Variants in CAGE1 observed in about 807,000 individuals in gnomAD.
CAGE1 encodes the protein cancer antigen 1.
CAGE1 carries 66 observed loss-of-function variants against 94.9 expected under a neutral mutation model. The observed-to-expected ratio is 0.70, with a 90% CI of 0.57 to 0.85. The LOEUF (loss-of-function observed/expected upper bound fraction) is 0.85. Ranked by LOEUF, CAGE1 falls within the 40% of genes least tolerant of loss-of-function variation. The pLI, the probability that CAGE1 is intolerant of heterozygous loss-of-function variation, is 0.00. For missense variants in CAGE1, 865 were observed against 950.4 expected, an observed-to-expected ratio of 0.91 and a Z score of 1.18; for synonymous variants, 319 against 321.0, an observed-to-expected ratio of 0.99 and a Z score of 0.07.
intron 2 of CAGE1, among the ~76,000 whole-genome samples, chr6:7,386,445 CATT>C (rs1242166302): frequency 3.3e-5 from 5 of 152,252 alleles, no homozygotes; most frequent in African/African-American, 1.2e-4. Context: ...CTGTCAATGT[CATT>C]ATGAATGACA....
intron 6 of CAGE1, among the ~76,000 whole-genome samples, chr6:7,369,223 G>T: frequency 6.6e-6 from 1 of 151,830 alleles, no homozygotes; most frequent in East Asian, 1.9e-4. Context: ...GGCCAGGCTG[G>T]TCTCGAACTC....
chr6:7,348,266 C>T (rs1759640530), intron 11 of CAGE1, among the ~76,000 whole-genome samples: 1 of 152,190 alleles, frequency 6.6e-6, no homozygotes, highest in African/African-American at 2.4e-5. Flanking sequence ...CAGACAACCC[C>T]CAGTACCAGC....
At position 7,362,620 on chromosome 6, in the gene CAGE1, G is replaced by A. The variant is rs1760200394; in HGVS notation, c.2193+2848C>T. Among the ~76,000 whole-genome samples the A allele has an allele frequency of 2.6e-5, 4 of 152,310 alleles. No homozygotes were observed. The highest frequency in any genetic ancestry group is 2.1e-4 in the South Asian group (1 of 4,828). ...GAAGGACATGAGAGAAGCACGCGAC[G>A]ATGTGCCAAGGGAAGCATGAGCATC... On this transcript the variant is annotated intron_variant, in intron 9 of 13. Coordinates refer to ENST00000502583, the MANE Select transcript of CAGE1 (RefSeq NM_001170692.2). The surrounding 1 kb of genome is among the most constrained non-coding windows in gnomAD (Gnocchi z 4.1).
At chr6:7,341,431 AATCTC>A in intron 11 of CAGE1, 1 of 969,156 alleles carries the variant, frequency 1.0e-6, no homozygotes, top group Non-Finnish European at 1.6e-6. Flanking sequence ...ATAGCATGTA[AATCTC>A]ATCTATGATC....
At chr6:7,338,787 T>G in intron 11 of CAGE1, 1 of 777,860 alleles carries the variant, frequency 1.3e-6, no homozygotes, top group East Asian at 2.6e-5. Flanking sequence ...TTTATAAAGG[T>G]CTTTACAGAG....
intron 7 of CAGE1, 51 bp from the exon 8 acceptor site, chr6:7,365,935 C>A: frequency 9.4e-7 from 1 of 1,066,722 alleles, no homozygotes; most frequent in South Asian, 1.5e-5. Context: ...CAACTACGCT[C>A]TAATATTTAT....
chr6:7,361,642 G>A (rs1407008601), intron 9 of CAGE1, among the ~76,000 whole-genome samples: 1 of 152,168 alleles, frequency 6.6e-6, no homozygotes, highest in Non-Finnish European at 1.5e-5. Flanking sequence ...ACAGATTGGT[G>A]TGATATCCTT....
intron 11 of CAGE1, among the ~76,000 whole-genome samples, chr6:7,351,530 A>AAAAATACAAT: frequency 7.1e-6 from 1 of 139,862 alleles, no homozygotes; most frequent in South Asian, 2.2e-4. Context: ...AAAGTATAAT[A>AAAAATACAAT]AAAATAAAAT....
Position 7,389,400 on chromosome 6 carries a change from C to G in CAGE1, c.-222G>C, listed in dbSNP as rs1400753256. On this transcript the variant is annotated 5_prime_UTR_variant, in exon 1 of 14. Transcript: ENST00000502583. ...CTCCTCCACCAAGGACTCTCACAAA[C>G]TCGCAATCGGGCTCCCGGAGTGCTG... 2.2e-6 allele frequency: 1 copy of G among 449,680 alleles called. No individual in the cohort carries two copies. The highest frequency in any genetic ancestry group is 4.5e-6 in the Non-Finnish European group (1 of 223,412). The allele number at this position is 449,680 out of a possible 1,614,324, so 27.9% of individuals were successfully genotyped here.
intron 2 of CAGE1, 24 bp from the exon 3 acceptor site, chr6:7,385,896 A>G: frequency 1.6e-6 from 2 of 1,269,220 alleles, no homozygotes; most frequent in Non-Finnish European, 2.2e-6. Flanking sequence ...AAAGGCATCA[A>G]TACTTCAAGC....
At chr6:7,327,828 G>A (rs1017605641) in intron 13 of CAGE1, among the ~76,000 whole-genome samples, 25 of 152,136 alleles carry the variant, frequency 1.6e-4, no homozygotes, top group Non-Finnish European at 3.2e-4. Flanking sequence ...TACTCGGGAG[G>A]CTGAGGCAGG....
In CAGE1 at chr6:7,355,974, G is replaced by A. The variant is rs544894864; in HGVS notation, c.2298+51C>T. The stretch of plus-strand genomic sequence containing the variant: ...AGCACTGCACTGTACTTCGGCCTGG[G>A]TGACAGAGTGAGATCTTGTCTCAAA... On this transcript the variant is annotated intron_variant, in intron 10 of 13. Coordinates refer to ENST00000502583, the MANE Select transcript of CAGE1 (RefSeq NM_001170692.2). 38 of 1,065,028 alleles carry A rather than the reference G, an allele frequency of 3.6e-5. No homozygotes were observed. The African/African-American group carries it at 5.3e-4, about 15-fold the overall frequency. The allele number at this position is 1,065,028 out of a possible 1,614,324, so 66.0% of individuals were successfully genotyped here.
At position 7,345,852 on chromosome 6, in the gene CAGE1, G is replaced by A. The variant is rs573199091; in HGVS notation, c.2369+9189C>T. Among the ~76,000 whole-genome samples the A allele has an allele frequency of 4.7e-4, 72 of 152,276 alleles. 1 individual carries two copies. The highest frequency in any genetic ancestry group is 8.2e-4 in the Non-Finnish European group (56 of 68,024). ...AGGCAGGAGAATGGTGTGAACCCGG[G>A]AGGAGAAGCTTGCAGTGAGCCGATA... On this transcript the variant is annotated intron_variant, in intron 11 of 13. Transcript: ENST00000502583.
chr6:7,387,606 T>G (rs141654398), intron 1 of CAGE1, among the ~76,000 whole-genome samples: 2 of 152,140 alleles, frequency 1.3e-5, no homozygotes, highest in Admixed American at 1.3e-4. Context: ...CTCCTCACTT[T>G]CCTATACTGC....
chr6:7,332,676 G>A (rs2113343951), intron 12 of CAGE1, among the ~76,000 whole-genome samples: 1 of 152,264 alleles, frequency 6.6e-6, no homozygotes, highest in South Asian at 2.1e-4. Context: ...TAAGGCTTTA[G>A]GTAAAAGAGG....
chr6:7,389,697 CACAGAACAT>C lies in CAGE1; in HGVS notation c.-528_-520del. On this transcript the variant is annotated 5_prime_UTR_variant, in exon 1 of 14. An upstream start codon of the reference 5' UTR is lost. Transcript: ENST00000502583. ...GCTACTCAACACGCCTTCCTGAGAGCACAGAACATCCACAGCCCTATACAGCGCGCCATC... is the reference window on the plus strand; with the variant it reads ...GCTACTCAACACGCCTTCCTGAGAGCCCACAGCCCTATACAGCGCGCCATC... 4 of 485,612 alleles carry C rather than the reference CACAGAACAT, an allele frequency of 8.2e-6. No homozygotes were observed. Among genetic ancestry groups the C allele is most frequent in the Non-Finnish European group, 1.1e-5 (3 of 266,558 alleles). 30.1% of individuals were successfully genotyped at this position (485,612 alleles called of 1,614,324 possible).
intron 9 of CAGE1, among the ~76,000 whole-genome samples, chr6:7,363,128 G>A (rs887789153): frequency 3.9e-5 from 6 of 152,102 alleles, no homozygotes; most frequent in Admixed American, 3.9e-4. Flanking sequence ...AAATTAGCTG[G>A]GTGTGGTGGT....
At chr6:7,340,582 T>C (rs928286057) in intron 11 of CAGE1, among the ~76,000 whole-genome samples, 8 of 152,176 alleles carry the variant, frequency 5.3e-5, no homozygotes, top group African/African-American at 1.9e-4. Flanking sequence ...ATATATAATA[T>C]CTAGCAAACA....
In CAGE1 at chr6:7,368,765, C is replaced by G; in HGVS notation, c.1927G>C (p.Glu643Gln). The G allele has an allele frequency of 6.4e-7, 1 of 1,557,516 alleles. No homozygotes were observed. The highest frequency in any genetic ancestry group is 1.4e-5 in the African/African-American group (1 of 73,572). Residue 643 changes from glutamate (E) to glutamine (Q), a missense_variant, in exon 7 of 14, where the codon GAG (glutamate) becomes CAG (glutamine). By Grantham distance (29) the Glu-to-Gln change is conservative. Coordinates refer to ENST00000502583, the MANE Select transcript of CAGE1 (RefSeq NM_001170692.2). ...IINSDAEHFKESEKVSDIMLQ... is the reference protein window; with the variant it reads ...IINSDAEHFKQSEKVSDIMLQ... ...ATTATATCACTAACCTTCTCACTCT[C>G]TTTGAAATGTTCAGCATCAGAATTG...
Sources: gnomAD v4.1 joint callset for allele counts (sites outside exome capture counted in the v4.1 genomes callset) on GRCh38, gnomAD v4.1.1 for gene constraint, Gnocchi (gnomAD v3.1) non-coding constraint, MANE v1.5 for transcripts, NCBI Gene and HGNC (gene_info 2026-07-23, HGNC 2026-07-21) for gene names.